BCL2: variants seen among roughly 807,000 people sequenced by gnomAD.
BCL2 encodes the protein apoptosis regulator Bcl-2.
A neutral mutation model predicts 14.2 loss-of-function variants in BCL2; 1 was observed. That is an observed-to-expected ratio of 0.07 (90% CI 0.02 to 0.33). The LOEUF is 0.33. BCL2 is among the 10% of genes least tolerant of loss of function. The pLI is 0.99. For synonymous variants in BCL2, 151 were observed against 137.2 expected (o/e 1.10, Z -0.70); for missense variants, 247 against 305.9 (o/e 0.81, Z 1.44).
At chr18:63,228,876 T>C (rs948006186) in intron 2 of BCL2, among the ~76,000 whole-genome samples, 16 of 152,148 alleles carry the variant, frequency 1.1e-4, no homozygotes, top group Non-Finnish European at 1.3e-4. Flanking sequence ...GCTCAACTGG[T>C]TTTTTGTATT....
At chr18:63,299,532 CA>C (rs2144280877) in intron 2 of BCL2, among the ~76,000 whole-genome samples, 1 of 152,324 alleles carries the variant, frequency 6.6e-6, no homozygotes, top group South Asian at 2.1e-4. Context: ...AAAATCCAGC[CA>C]TGTCACTTAG....
intron 2 of BCL2, among the ~76,000 whole-genome samples, chr18:63,198,708 GAGACAC>G (rs1909549738): frequency 2.3e-5 from 2 of 86,274 alleles, no homozygotes; most frequent in Non-Finnish European, 2.2e-5. Flanking sequence ...CTGACACACA[GAGACAC>G]ACACACACAG....
At chr18:63,140,848 T>G (rs1389277033) in intron 2 of BCL2, among the ~76,000 whole-genome samples, 1 of 152,232 alleles carries the variant, frequency 6.6e-6, no homozygotes, top group Non-Finnish European at 1.5e-5. Flanking sequence ...TTACACGACA[T>G]GAAGAGGGAC....
rs1197724553 is a variant in BCL2 at position 63,318,594 on chromosome 18, G to C, written c.73C>G (p.Gln25Glu). Residue 25 changes from glutamine (Q) to glutamate (E), a missense_variant, in exon 2 of 3, where the codon CAG (glutamine) becomes GAG (glutamate). Coordinates refer to ENST00000333681, the MANE Select transcript of BCL2 (RefSeq NM_000633.3). This position sits in a 1 kb window ranked among gnomAD's most constrained non-coding sequence, Gnocchi z 7.4. ...VMKYIHYKLS[Q>E]RGYEWDAGDV... ...CCCGCATCCCACTCGTAGCCCCTCT[G>C]CGACAGCTTATAATGGATGTACTTC... is the stretch of plus-strand genomic sequence containing the variant. 1 of 1,608,394 alleles carries C rather than the reference G, an allele frequency of 6.2e-7. No individual in the cohort carries two copies.
chr18:63,169,093 C>T (rs889876180), intron 2 of BCL2, among the ~76,000 whole-genome samples: 1 of 152,328 alleles, frequency 6.6e-6, no homozygotes. Context: ...CTAACATGGG[C>T]TTCCCAGCAC....
At chr18:63,256,628 T>G (rs1024434793) in intron 2 of BCL2, among the ~76,000 whole-genome samples, 4 of 152,132 alleles carry the variant, frequency 2.6e-5, no homozygotes, top group African/African-American at 9.7e-5. Flanking sequence ...ACACAGCACA[T>G]GTTGGGCAAG....
chr18:63,125,783 GA>G lies in BCL2; in HGVS notation c.*2841del, dbSNP rs374357488. The G allele has an allele frequency of 2.3e-5, 5 of 218,546 alleles. No individual in the cohort carries two copies. Among genetic ancestry groups the G allele is most frequent in the African/African-American group, 1.1e-4 (5 of 44,484 alleles). The allele number at this position is 218,546 out of a possible 1,614,324, so 13.5% of individuals were successfully genotyped here. ...GAAAATGCAACATCAACTACTCTTA[GA>G]GCAAGTGCAGCCACAATACTGTACA... On this transcript the variant is annotated 3_prime_UTR_variant, in exon 3 of 3. Coordinates refer to ENST00000333681, the MANE Select transcript of BCL2 (RefSeq NM_000633.3).
At chr18:63,308,893 T>A (rs540745943) in intron 2 of BCL2, among the ~76,000 whole-genome samples, 1 of 152,324 alleles carries the variant, frequency 6.6e-6, no homozygotes, top group Admixed American at 6.5e-5. Flanking sequence ...TGTGTGCCTA[T>A]TACCTACTAT....
intron 2 of BCL2, among the ~76,000 whole-genome samples, chr18:63,266,637 T>TCACACACA (rs1240438012): frequency 1.4e-4 from 12 of 85,974 alleles, no homozygotes; most frequent in African/African-American, 4.0e-4. Flanking sequence ...TCTCTCTCTC[T>TCACACACA]CACACACACA....
intron 2 of BCL2, among the ~76,000 whole-genome samples, chr18:63,159,896 C>T (rs945125624): frequency 6.6e-6 from 1 of 152,178 alleles, no homozygotes; most frequent in Non-Finnish European, 1.5e-5. Flanking sequence ...CTGGCCAACT[C>T]GAATCGTTTT....
chr18:63,299,702 C>T (rs1303050630), intron 2 of BCL2, among the ~76,000 whole-genome samples: 1 of 152,160 alleles, frequency 6.6e-6, no homozygotes, highest in African/African-American at 2.4e-5. Flanking sequence ...GTCACTCTGG[C>T]CTTTTTGCCA....
chr18:63,209,877 C>G (rs1221870034), intron 2 of BCL2, among the ~76,000 whole-genome samples: 1 of 152,082 alleles, frequency 6.6e-6, no homozygotes, highest in African/African-American at 2.4e-5. Context: ...TTAACAGGAT[C>G]AAGAGGGTCT....
intron 2 of BCL2, among the ~76,000 whole-genome samples, chr18:63,143,483 C>T (rs1315182845): frequency 3.9e-5 from 6 of 152,222 alleles, no homozygotes; most frequent in Non-Finnish European, 7.3e-5. Flanking sequence ...GCACTTAACA[C>T]GAGAAAAGTC....
chr18:63,210,311 G>A (rs1909964452), intron 2 of BCL2, among the ~76,000 whole-genome samples: 2 of 152,134 alleles, frequency 1.3e-5, no homozygotes, highest in Non-Finnish European at 2.9e-5. Flanking sequence ...AAGATCTCAG[G>A]GCTCACCCCT....
rs76848604 is a variant in BCL2 at position 63,299,198 on chromosome 18, C to G, written c.585+18884G>C. ...TGTTGTGAGTATAGCTGGGGTGTCA[C>G]TTTAACACTTGCTTGTACTGCTTGT... On this transcript the variant is annotated intron_variant, in intron 2 of 2. Transcript: ENST00000333681. Among the ~76,000 whole-genome samples the G allele has an allele frequency of 3.6e-3, 552 of 152,370 alleles. 6 individuals are homozygous for G. The highest frequency in any genetic ancestry group is 0.013 in the African/African-American group (535 of 41,592).
chr18:63,231,945 C>G (rs946184611), intron 2 of BCL2, among the ~76,000 whole-genome samples: 1 of 151,836 alleles, frequency 6.6e-6, no homozygotes, highest in African/African-American at 2.4e-5. Context: ...TTAATTATGC[C>G]ATAAAATTAA....
At chr18:63,249,939 C>A (rs1024597280) in intron 2 of BCL2, among the ~76,000 whole-genome samples, 1 of 151,998 alleles carries the variant, frequency 6.6e-6, no homozygotes, top group African/African-American at 2.4e-5. Flanking sequence ...CTGTGGAGTA[C>A]CCACCGAATG....
chr18:63,228,703 C>T (rs1183654836), intron 2 of BCL2, among the ~76,000 whole-genome samples: 1 of 89,410 alleles, frequency 1.1e-5, no homozygotes, highest in Non-Finnish European at 2.3e-5. Context: ...GACTTTACAG[C>T]CAAAAGCAAT....
Position 63,128,629 on chromosome 18 carries a change from T to C in BCL2, c.716A>G (p.Lys239Arg), listed in dbSNP as rs775686567. 10 of 780,998 alleles carry C rather than the reference T, an allele frequency of 1.3e-5. No homozygotes were observed. The highest frequency in any genetic ancestry group is 3.4e-5 in the Admixed American group (2 of 59,032). 48.4% of individuals were successfully genotyped at this position (780,998 alleles called of 1,614,324 possible). ...TTTGGGGCAGGCATGTTGACTTCACTTGTGGCCCAGATAGGCACCCAGGGT... is the reference window on the plus strand; with the variant it reads ...TTTGGGGCAGGCATGTTGACTTCACCTGTGGCCCAGATAGGCACCCAGGGT... ...CITLGAYLGH[K>R] The change falls in exon 3 of 3, where the codon AAG becomes AGG. Residue 239 changes from lysine (K) to arginine (R), a missense_variant. Physicochemically the swap from Lys to Arg is conservative, Grantham distance 26. This residue lies in a region of BCL2 where 36 missense variants were observed against 24.9 expected (regional missense o/e 1.45). Coordinates refer to ENST00000333681, the MANE Select transcript of BCL2 (RefSeq NM_000633.3).
Sources: gnomAD v4.1 joint callset for allele counts (sites outside exome capture counted in the v4.1 genomes callset) on GRCh38, gnomAD v4.1.1 for gene constraint, gnomAD v4.1.1 regional missense constraint, Gnocchi (gnomAD v3.1) non-coding constraint, MANE v1.5 for transcripts, NCBI Gene and HGNC (gene_info 2026-07-23, HGNC 2026-07-21) for gene names.